Variants in ZNF394 observed in about 807,000 individuals in gnomAD.
The protein encoded by ZNF394 is zinc finger protein 99.
Under a neutral mutation model 21.8 loss-of-function variants are expected in ZNF394, and 19 were observed. The observed-to-expected ratio is 0.87, with a 90% CI of 0.61 to 1.28. ZNF394 has a LOEUF of 1.28. Ranked by LOEUF, ZNF394 falls within the 50% of genes most tolerant of loss-of-function variation. The pLI is 0.00. For missense variants in ZNF394, 683 were observed against 708.6 expected (o/e 0.96, Z 0.41); for synonymous variants, 294 against 273.3 (o/e 1.08, Z -0.75).
chr7:99,494,881 C>A (rs1800257853), intron 2 of ZNF394, among the ~76,000 whole-genome samples: 1 of 151,762 alleles, frequency 6.6e-6, no homozygotes, highest in Non-Finnish European at 1.5e-5. Context: ...ATTACAAGTG[C>A]ACGCCACCAC....
chr7:99,491,381 T>C (rs1382213551), downstream of ZNF394, among the ~76,000 whole-genome samples: 1 of 152,178 alleles, frequency 6.6e-6, no homozygotes, highest in African/African-American at 2.4e-5. Context: ...TTTCTTATCA[T>C]ATTTGGTCTT....
downstream of ZNF394, among the ~76,000 whole-genome samples, chr7:99,488,542 A>C (rs1800084276): frequency 6.6e-6 from 1 of 151,918 alleles, no homozygotes; most frequent in South Asian, 2.1e-4. Context: ...CCTGTATTAC[A>C]TACAACTATT....
Position 99,498,686 on chromosome 7 carries a change from G to T in ZNF394, c.583+30C>A, listed in dbSNP as rs199551106. The T allele has an allele frequency of 9.9e-6, 16 of 1,612,904 alleles. No homozygotes were observed. The East Asian group carries it at 2.5e-4, about 25-fold the overall frequency. ...ACCAGCCCTTCACAAACCACACACC[G>T]CAATAAACCAGCAGAGCAACAGCAC... On this transcript the variant is annotated intron_variant, in intron 2 of 2. Transcript: ENST00000337673.
At chr7:99,486,948 C>T in exon 2 of ZNF394, 1 of 1,614,132 alleles carries the variant, frequency 6.2e-7, no homozygotes, top group Non-Finnish European at 8.5e-7. Flanking sequence ...CTCTTACGGT[C>T]CATAAACAGT....
chr7:99,494,606 T>C lies in ZNF394; in HGVS notation c.609A>G (p.Lys203=). Residue 203 remains lysine, a synonymous_variant, in exon 3 of 3, where the codon AAA becomes AAG. Coordinates refer to ENST00000337673, the MANE Select transcript of ZNF394 (RefSeq NM_032164.4). The stretch of plus-strand genomic sequence containing the variant: ...AAATTTGTTGCATTGGAATCAACTC[T>C]TTGTTCTCCACTCTGCTTTCCAAAC... ...PPSLESRVEN[K]ELIPMQQILE... 1.2e-6 allele frequency: 2 copies of C among 1,601,320 alleles called. No homozygotes were observed. The highest frequency in any genetic ancestry group is 2.2e-5 in the South Asian group (2 of 88,910).
chr7:99,486,543 A>G, exon 2 of ZNF394: 1 of 1,614,210 alleles, frequency 6.2e-7, no homozygotes, highest in Non-Finnish European at 8.5e-7. Context: ...ATTTAGAGTC[A>G]TATAAGATAT....
At chr7:99,493,028 G>C (rs1262562217), downstream of ZNF394, among the ~76,000 whole-genome samples, 1 of 152,110 alleles carries the variant, frequency 6.6e-6, no homozygotes. Flanking sequence ...CTTATCATCA[G>C]AAGTCTCTTA....
At chr7:99,499,502 G>T in intron 1 of ZNF394, 136 bp downstream of exon 1, 1 of 750,052 alleles carries the variant, frequency 1.3e-6, no homozygotes, top group Non-Finnish European at 2.2e-6. Context: ...TGTCACTGTG[G>T]CCTACAGAAA....
Position 99,487,115 on chromosome 7 carries a change from G to A in ZNF394, n.84-152C>T, listed in dbSNP as rs1458599864. On this transcript the variant is annotated intron_variant and non_coding_transcript_variant, in intron 1 of 1. Coordinates refer to the ZNF394 transcript ENST00000462024. ...TTTAGTCAGAATTCAACCCTTATTC[G>A]ACATCAGGTGATCCATAGTGGAGAA... The A allele has an allele frequency of 3.1e-6, 5 of 1,614,110 alleles. No individual in the cohort carries two copies. The highest frequency in any genetic ancestry group is 4.2e-6 in the Non-Finnish European group (5 of 1,180,032).
At position 99,500,124 on chromosome 7, in the gene ZNF394, G is replaced by C; in HGVS notation, c.-31C>G. Reference sequence around the variant, plus strand: ...TCCGGCATGTGCTGCCCTTCCTGGAGTCTTCTTTTCAGGTGAAGAAAGAGC... The same window carrying C: ...TCCGGCATGTGCTGCCCTTCCTGGACTCTTCTTTTCAGGTGAAGAAAGAGC... On this transcript the variant is annotated 5_prime_UTR_variant, in exon 1 of 3. Coordinates refer to ENST00000337673, the MANE Select transcript of ZNF394 (RefSeq NM_032164.4). 6.6e-7 allele frequency: 1 copy of C among 1,512,810 alleles called. No homozygotes were observed. Among genetic ancestry groups the C allele is most frequent in the Non-Finnish European group, 8.8e-7 (1 of 1,139,154 alleles). 93.7% of individuals were successfully genotyped at this position (1,512,810 alleles called of 1,614,324 possible).
Position 99,493,506 on chromosome 7 carries a change from C to T in ZNF394, c.*23G>A, listed in dbSNP as rs1196687613. On this transcript the variant is annotated 3_prime_UTR_variant, in exon 3 of 3. Coordinates refer to ENST00000337673, the MANE Select transcript of ZNF394 (RefSeq NM_032164.4). ...TCCTGATCTCAAATGATCTGCCTGC[C>T]TTGGCCTCCCAAAGTGCTGGGATTA... The T allele has an allele frequency of 6.4e-7, 1 of 1,552,570 alleles. No homozygotes were observed. The highest frequency in any genetic ancestry group is 1.4e-5 in the African/African-American group (1 of 73,186).
rs1168807973 is a variant in ZNF394, at chr7:99,499,954, C to T, written c.140G>A (p.Gly47Glu). 3.7e-6 allele frequency: 6 copies of T among 1,613,800 alleles called. No homozygotes were observed. The highest frequency in any genetic ancestry group is 5.1e-6 in the Non-Finnish European group (6 of 1,180,046). The stretch of plus-strand genomic sequence containing the variant: ...CGCGGGATAGTTGGGCTCCCAACTT[C>T]CGGGTGAGTCTTCCTCCACTTTCAC... ...LPVKVEEDSP[G>E]SWEPNYPAAS... The change falls in exon 1 of 3, where the codon GGA becomes GAA. Residue 47 changes from glycine to glutamate, a missense_variant. This residue lies in a region of ZNF394 where 402 missense variants were observed against 373.8 expected (regional missense o/e 1.08). Transcript: ENST00000337673.
At chr7:99,489,269 G>C (rs1331658463), downstream of ZNF394, among the ~76,000 whole-genome samples, 1 of 149,014 alleles carries the variant, frequency 6.7e-6, no homozygotes, top group Non-Finnish European at 1.5e-5. Context: ...CGGTGACAGA[G>C]TAAGACTCCA....
intron 1 of ZNF394, 148 bp downstream of exon 1, chr7:99,499,490 T>A: frequency 1.5e-6 from 1 of 680,040 alleles, no homozygotes; most frequent in Non-Finnish European, 2.5e-6. Flanking sequence ...CCTGGATGGA[T>A]CTGTCACTGT....
At position 99,499,803 on chromosome 7, in the gene ZNF394, CA is replaced by C; in HGVS notation, c.290del (p.Leu97ArgfsTer59). On this transcript the variant is annotated frameshift_variant, in exon 1 of 3. Transcript: ENST00000337673. LOFTEE classifies it high-confidence loss of function. ...ELCRRWLRPE[L>X]LSKEQILELL... ...GCTCCAGGATCTGCTCCTTGGAGAG[CA>C]GCTCGGGTCTCAGCCACCGACGACA... 1 of 1,614,178 alleles carries C rather than the reference CA, an allele frequency of 6.2e-7. No individual in the cohort carries two copies. The highest frequency in any genetic ancestry group is 8.5e-7 in the Non-Finnish European group (1 of 1,180,044).
At chr7:99,494,934 C>T (rs1229349768) in intron 2 of ZNF394, among the ~76,000 whole-genome samples, 1 of 151,850 alleles carries the variant, frequency 6.6e-6, no homozygotes, top group Non-Finnish European at 1.5e-5. Flanking sequence ...GGGGTTTCAC[C>T]ATGTTGGCCA....
In ZNF394 at chr7:99,494,275, C is replaced by G; in HGVS notation, c.940G>C (p.Gly314Arg). 2 of 1,614,206 alleles carry G rather than the reference C, an allele frequency of 1.2e-6. No homozygotes were observed. Among genetic ancestry groups the G allele is most frequent in the Non-Finnish European group, 1.7e-6 (2 of 1,180,030 alleles). Reference sequence around the variant, plus strand: ...TGGAAACTTTGCTTGCACTTGTTCCCGTGTTCCTCACTGTCAGTGGGCCTC... The same window carrying G: ...TGGAAACTTTGCTTGCACTTGTTCCGGTGTTCCTCACTGTCAGTGGGCCTC... ...AERPTDSEEHGNKCKQSFHMV... is the reference protein window; with the variant it reads ...AERPTDSEEHRNKCKQSFHMV... Residue 314 changes from glycine to arginine, a missense_variant, in exon 3 of 3, where the codon GGG (glycine) becomes CGG (arginine). Gly to Arg is a moderately radical substitution (Grantham distance 125, BLOSUM62 -2). Around this residue, in one of 3 missense-constraint regions of ZNF394, gnomAD observed 274 missense variants for 314.1 expected, o/e 0.87. Coordinates refer to ENST00000337673, the MANE Select transcript of ZNF394 (RefSeq NM_032164.4).
rs756015482 is a variant in ZNF394 at position 99,498,776 on chromosome 7, C to T, written c.523G>A (p.Ala175Thr). 91 of 1,614,036 alleles carry T rather than the reference C, an allele frequency of 5.6e-5. 1 individual carries two copies. The highest frequency in any genetic ancestry group is 7.4e-5 in the Non-Finnish European group (87 of 1,180,044). The change falls in exon 2 of 3, where the codon GCA becomes ACA. Residue 175 changes from alanine (A) to threonine (T), a missense_variant. Physicochemically the swap from Ala to Thr is moderately conservative, Grantham distance 58. Around this residue, in one of 3 missense-constraint regions of ZNF394, gnomAD observed 402 missense variants for 373.8 expected, o/e 1.08. Transcript: ENST00000337673. ...CTCTCTCTGCAGAAGTCCCTCCGTG[C>T]TGGGTCCAGGCGCTCCCACTCCTCC... is the stretch of plus-strand genomic sequence containing the variant. Reference protein sequence around the residue: ...TWEEWERLDPARRDFCRESAQ... With the variant: ...TWEEWERLDPTRRDFCRESAQ...
At chr7:99,486,540 G>C in exon 2 of ZNF394, 1 of 1,614,116 alleles carries the variant, frequency 6.2e-7, no homozygotes, top group Non-Finnish European at 8.5e-7. Flanking sequence ...AAGATTTAGA[G>C]TCATATAAGA....
Sources: gnomAD v4.1 joint callset for allele counts (sites outside exome capture counted in the v4.1 genomes callset) on GRCh38, gnomAD v4.1.1 for gene constraint, gnomAD v4.1.1 regional missense constraint, MANE v1.5 for transcripts, NCBI Gene and HGNC (gene_info 2026-07-23, HGNC 2026-07-21) for gene names.